The following TASOR2 variants were observed in gnomAD, a reference collection of about 807,000 sequenced individuals.
TASOR2 encodes transcription activation suppressor family member 2, also known as protein TASOR 2.
A neutral mutation model predicts 199.5 loss-of-function variants in TASOR2; 84 were observed. The observed-to-expected ratio is 0.42, with a 90% CI of 0.35 to 0.50. The LOEUF is 0.50. Ranked by LOEUF, TASOR2 falls within the 20% of genes least tolerant of loss-of-function variation. TASOR2 has a pLI of 0.02. For missense variants in TASOR2, 2,796 were observed against 2,835.9 expected, an observed-to-expected ratio of 0.99 and a Z score of 0.32; for synonymous variants, 1,103 against 1,046.6, an observed-to-expected ratio of 1.05 and a Z score of -1.04.
At chr10:5,714,903 A>G (rs1408154157) in intron 2 of TASOR2, among the ~76,000 whole-genome samples, 2 of 152,190 alleles carry the variant, frequency 1.3e-5, no homozygotes, top group Non-Finnish European at 2.9e-5. Flanking sequence ...GATCAGAACT[A>G]GATTTGGGGC....
rs34884255 is a variant in TASOR2, at chr10:5,755,046, CAAAAAAAAAA to C, written c.6607-1554_6607-1545del. Among the ~76,000 whole-genome samples, 472 of 78,116 alleles carry C rather than the reference CAAAAAAAAAA, an allele frequency of 6.0e-3. 5 individuals are homozygous for C. Among genetic ancestry groups the C allele is most frequent in the African/African-American group, 0.02 (395 of 19,526 alleles). 51.2% of individuals were successfully genotyped at this position (78,116 alleles called of 152,430 possible). Reference sequence around the variant, plus strand: ...GGGCAACAGAGCAAGACTCTTGTCTCAAAAAAAAAAAAAAAAAAAAAAGAGAAATCTGAGG... The same window carrying C: ...GGGCAACAGAGCAAGACTCTTGTCTCAAAAAAAAAAAAGAGAAATCTGAGG... On this transcript the variant is annotated intron_variant, in intron 15 of 20. Coordinates refer to ENST00000328090, the Ensembl canonical transcript of TASOR2.
intron 1 of TASOR2, among the ~76,000 whole-genome samples, chr10:5,688,175 G>T (rs1013780717): frequency 1.3e-5 from 2 of 152,112 alleles, no homozygotes; most frequent in Non-Finnish European, 2.9e-5. Context: ...CTTTTCAGAT[G>T]ATTATGTTCT....
At position 5,742,300 on chromosome 10, in the gene TASOR2, T is replaced by TG; in HGVS notation, c.2533dup (p.Glu845GlyfsTer12). 6.2e-7 allele frequency: 1 copy of TG among 1,614,218 alleles called. No homozygotes were observed. Among genetic ancestry groups the TG allele is most frequent in the South Asian group, 1.1e-5 (1 of 91,086 alleles). On this transcript the variant is annotated frameshift_variant, in exon 14 of 21. Coordinates refer to ENST00000328090, the Ensembl canonical transcript of TASOR2. LOFTEE classifies it high-confidence loss of function. This position sits in a 1 kb window ranked among gnomAD's most constrained non-coding sequence, Gnocchi z 4.2. ...CGTGAAATTGAGGAGTCCCTTGGTT[T>TG]GGAAAAATGTTCTGCAGACTCTCTG... is the stretch of plus-strand genomic sequence containing the variant.
chr10:5,756,059 A>G (rs2131647883), intron 15 of TASOR2, among the ~76,000 whole-genome samples: 1 of 152,262 alleles, frequency 6.6e-6, no homozygotes, highest in East Asian at 1.9e-4. Flanking sequence ...TTAATTACAC[A>G]AATTTACCCT....
Position 5,722,875 on chromosome 10 carries a change from C to T in TASOR2, c.147-802C>T, listed in dbSNP as rs1260437498. Among the ~76,000 whole-genome samples, 2 of 150,824 alleles carry T rather than the reference C, an allele frequency of 1.3e-5. No homozygotes were observed. Among genetic ancestry groups the T allele is most frequent in the Admixed American group, 6.6e-5 (1 of 15,156 alleles). ...ATACAAAAATTAGCTGGGCATGGTGCGGCATGCTTGTAATCCCAGCTATTC... is the reference window on the plus strand; with the variant it reads ...ATACAAAAATTAGCTGGGCATGGTGTGGCATGCTTGTAATCCCAGCTATTC... On this transcript the variant is annotated intron_variant, in intron 6 of 20. Transcript: ENST00000328090. The surrounding 1 kb of genome is among the most constrained non-coding windows in gnomAD (Gnocchi z 4.0).
At chr10:5,724,283 G>A in intron 7 of TASOR2, 147 bp from the exon 9 acceptor site, 1 of 390,594 alleles carries the variant, frequency 2.6e-6, no homozygotes. Context: ...TTATGAGGGA[G>A]TTTTATAACC....
Position 5,740,610 on chromosome 10 carries a change from T to G in TASOR2, c.2327+113T>G. ...GGAGAAGGAGAAAGAAGTGTTGTGT[T>G]TAAAACCAGTAATTTGATAATAACA... is the stretch of plus-strand genomic sequence containing the variant. On this transcript the variant is annotated intron_variant, in intron 13 of 20. Transcript: ENST00000328090. The surrounding 1 kb of genome is among the most constrained non-coding windows in gnomAD (Gnocchi z 5.3). 1 of 1,117,126 alleles carries G rather than the reference T, an allele frequency of 9.0e-7. No homozygotes were observed. The highest frequency in any genetic ancestry group is 1.3e-6 in the Non-Finnish European group (1 of 795,080). The allele number at this position is 1,117,126 out of a possible 1,614,324, so 69.2% of individuals were successfully genotyped here.
intron 17 of TASOR2, 135 bp downstream of exon 18, chr10:5,757,808 T>G: frequency 1.2e-6 from 1 of 833,178 alleles, no homozygotes; most frequent in African/African-American, 1.7e-5. Context: ...GCATAATTTC[T>G]GCTGTCTGCT....
At position 5,701,672 on chromosome 10, in the gene TASOR2, C is replaced by T. The variant is rs1287871324; in HGVS notation, c.-287-11151C>T. 1.3e-5 allele frequency among the ~76,000 whole-genome samples: 2 copies of T among 152,078 alleles called. No homozygotes were observed. Among genetic ancestry groups the T allele is most frequent in the African/African-American group, 4.8e-5 (2 of 41,436 alleles). On this transcript the variant is annotated intron_variant, in intron 1 of 20. Transcript: ENST00000328090. The surrounding 1 kb of genome is among the most constrained non-coding windows in gnomAD (Gnocchi z 4.9). The stretch of plus-strand genomic sequence containing the variant: ...TATAGTTTTTCTTGTATAGATCTTT[C>T]ACTTCTTTGGCTAAATTGATTCCTA...
rs1248754208 is a variant in TASOR2 at position 5,748,484 on chromosome 10, G to A, written c.5063G>A (p.Gly1688Asp). ...TTTCAAGCACAGGAAATACCAGCAG[G>A]CAGAATGGCCAGTTTGCTTAAGAAT... The change falls in exon 15 of 21, where the codon GGC (glycine) becomes GAC (aspartate). Residue 1688 changes from glycine (G) to aspartate (D), a missense_variant. By Grantham distance (94) the Gly-to-Asp change is moderately conservative. Around this residue, in one of 3 missense-constraint regions of TASOR2, gnomAD observed 1,941 missense variants for 1,924.9 expected, o/e 1.01. Transcript: ENST00000328090. The surrounding 1 kb of genome is among the most constrained non-coding windows in gnomAD (Gnocchi z 5.1). The A allele has an allele frequency of 1.2e-6, 2 of 1,613,910 alleles. No homozygotes were observed. Among genetic ancestry groups the A allele is most frequent in the Non-Finnish European group, 1.7e-6 (2 of 1,180,042 alleles).
intron 1 of TASOR2, among the ~76,000 whole-genome samples, chr10:5,709,158 G>T (rs889230568): frequency 8.5e-5 from 13 of 152,140 alleles, no homozygotes; most frequent in African/African-American, 3.1e-4. Flanking sequence ...TTTGGGGGAG[G>T]AGAGAGATTT....
chr10:5,723,838 C>T (rs939871676), intron 7 of TASOR2, 61 bp downstream of exon 8: 1 of 1,084,704 alleles, frequency 9.2e-7, no homozygotes. Flanking sequence ...ATTTTCTGCT[C>T]TCTTCCAAAC....
intron 18 of TASOR2, among the ~76,000 whole-genome samples, chr10:5,760,006 C>T (rs752771964): frequency 1.3e-5 from 2 of 152,194 alleles, no homozygotes; most frequent in African/African-American, 2.4e-5. Context: ...ATCAATCTAG[C>T]ACTTCTAGGG....
Position 5,740,106 on chromosome 10 carries a change from C to T in TASOR2, c.1936C>T (p.Gln646Ter). The T allele has an allele frequency of 6.2e-7, 1 of 1,614,070 alleles. No individual in the cohort carries two copies. Among genetic ancestry groups the T allele is most frequent in the Non-Finnish European group, 8.5e-7 (1 of 1,180,012 alleles). ...AATGCTAGAATCTTCAGATGCAAGC[C>T]AAAGCTCTTCTGTTTCTGTGGAACA... The change falls in exon 13 of 21, where the codon CAA becomes TAA. Residue 646 changes from glutamine to a stop codon, truncating the protein, a stop_gained. Coordinates refer to ENST00000328090, the Ensembl canonical transcript of TASOR2. LOFTEE classifies it high-confidence loss of function. The surrounding 1 kb of genome is among the most constrained non-coding windows in gnomAD (Gnocchi z 5.3).
At chr10:5,739,263 T>C (rs1034821006) in intron 12 of TASOR2, among the ~76,000 whole-genome samples, 2 of 152,168 alleles carry the variant, frequency 1.3e-5, no homozygotes, top group African/African-American at 2.4e-5. Flanking sequence ...TGTTTGTACA[T>C]TTTTTGAGCT....
intron 1 of TASOR2, among the ~76,000 whole-genome samples, chr10:5,686,277 T>G (rs1169640817): frequency 2.0e-5 from 3 of 152,222 alleles, no homozygotes; most frequent in Admixed American, 6.5e-5. Flanking sequence ...AGGGAGATTA[T>G]AAGCATCTCC....
At chr10:5,709,610 C>G in intron 1 of TASOR2, 2 of 1,231,104 alleles carry the variant, frequency 1.6e-6, no homozygotes, top group Non-Finnish European at 2.0e-6. Flanking sequence ...AGACCACCCT[C>G]CCAGCTACAT....
At chr10:5,705,682 T>G (rs956815951) in intron 1 of TASOR2, among the ~76,000 whole-genome samples, 8 of 152,178 alleles carry the variant, frequency 5.3e-5, no homozygotes, top group Admixed American at 4.6e-4. Flanking sequence ...AGCAGTAGTA[T>G]TTTATTGTGG....
chr10:5,755,326 A>G (rs1838774770), intron 15 of TASOR2, among the ~76,000 whole-genome samples: 1 of 152,112 alleles, frequency 6.6e-6, no homozygotes, highest in African/African-American at 2.4e-5. Flanking sequence ...TAATCCCAGC[A>G]CTTTGGGAGG....
Sources: allele counts gnomAD v4.1 joint callset (sites outside exome capture counted in the v4.1 genomes callset), GRCh38; gene constraint gnomAD v4.1.1; regional missense constraint gnomAD v4.1.1; non-coding constraint Gnocchi (gnomAD v3.1); transcripts MANE v1.5; gene names NCBI Gene and HGNC (gene_info 2026-07-23, HGNC 2026-07-21).